OMA1: variants seen among roughly 807,000 people sequenced by gnomAD.
The protein encoded by OMA1 is metalloendopeptidase OMA1, mitochondrial.
Under a neutral mutation model 30.9 loss-of-function variants are expected in OMA1, and 38 were observed. The observed-to-expected ratio is 1.23, with a 90% CI of 0.95 to 1.61. The LOEUF (loss-of-function observed/expected upper bound fraction) is 1.61. Ranked by LOEUF, OMA1 falls within the 40% of genes most tolerant of loss-of-function variation. The pLI, the probability that OMA1 is intolerant of heterozygous loss-of-function variation, is 0.00. For synonymous variants in OMA1, 173 were observed against 121.9 expected, an observed-to-expected ratio of 1.42 and a Z score of -2.76; for missense variants, 461 against 349.2, an observed-to-expected ratio of 1.32 and a Z score of -2.55.
chr1:58,544,325 C>A (rs75462238), intron 1 of OMA1, among the ~76,000 whole-genome samples: 3,548 of 152,130 alleles, frequency 0.023, 56 homozygotes, highest in Middle Eastern at 0.037. Context: ...ATAATGGATG[C>A]TAGAGATACT....
chr1:58,498,311 C>T (rs1485648143), intron 8 of OMA1, among the ~76,000 whole-genome samples: 4 of 151,662 alleles, frequency 2.6e-5, no homozygotes, highest in African/African-American at 9.7e-5. Flanking sequence ...TATAACTTCA[C>T]CCTTGATTTT....
chr1:58,545,201 A>G (rs1375860051), intron 1 of OMA1, among the ~76,000 whole-genome samples: 1 of 152,196 alleles, frequency 6.6e-6, no homozygotes, highest in African/African-American at 2.4e-5. Flanking sequence ...CTCTATGTCT[A>G]TGCACATCTA....
chr1:58,491,971 A>G (rs1645701964), intron 8 of OMA1, among the ~76,000 whole-genome samples: 1 of 152,224 alleles, frequency 6.6e-6, no homozygotes, highest in African/African-American at 2.4e-5. Flanking sequence ...CATTCTTTTC[A>G]GCACCACACC....
intron 6 of OMA1, among the ~76,000 whole-genome samples, chr1:58,528,311 A>G (rs1363225184): frequency 6.6e-6 from 1 of 152,228 alleles, no homozygotes; most frequent in Non-Finnish European, 1.5e-5. Flanking sequence ...GTTAACCCTG[A>G]GCTAATTGTT....
Position 58,483,473 on chromosome 1 carries a change from C to A in OMA1, c.1366-2299G>T, listed in dbSNP as rs557752495. ...TAGCTCTGATTAGGCTCTGAGTTAC[C>A]AAGGTAAGCTGGAGAGTTGAAAAAA... On this transcript the variant is annotated intron_variant, in intron 8 of 8. Transcript: ENST00000371226. Among the ~76,000 whole-genome samples, 5 of 152,222 alleles carry A rather than the reference C, an allele frequency of 3.3e-5. No individual in the cohort carries two copies. The East Asian group carries it at 9.6e-4, about 29-fold the overall frequency.
chr1:58,545,242 C>T (rs1358739358), intron 1 of OMA1, among the ~76,000 whole-genome samples: 4 of 152,194 alleles, frequency 2.6e-5, no homozygotes, highest in African/African-American at 9.7e-5. Flanking sequence ...ACATGACAAG[C>T]AAACTCCTTC....
intron 7 of OMA1, among the ~76,000 whole-genome samples, chr1:58,509,663 T>C (rs1489985080): frequency 7.2e-6 from 1 of 138,166 alleles, no homozygotes; most frequent in Non-Finnish European, 1.6e-5. Flanking sequence ...GATTAGAGCA[T>C]AAATAAAGAA....
chr1:58,497,017 G>A (rs1645813653), intron 8 of OMA1, among the ~76,000 whole-genome samples: 1 of 152,146 alleles, frequency 6.6e-6, no homozygotes, highest in Non-Finnish European at 1.5e-5. Context: ...ACCAGATGTG[G>A]GGCAGCCAGG....
At chr1:58,518,272 G>GGGGAGAGGA (rs1557450173) in intron 7 of OMA1, among the ~76,000 whole-genome samples, 15 of 650 alleles carry the variant, frequency 0.023, 2 homozygotes, top group Non-Finnish European at 0.07. Flanking sequence ...AGAGGAGAGA[G>GGGGAGAGGA]GAGAGGAGAA....
At chr1:58,520,504 GC>G (rs1432853753) in intron 7 of OMA1, among the ~76,000 whole-genome samples, 1 of 152,052 alleles carries the variant, frequency 6.6e-6, no homozygotes, top group Non-Finnish European at 1.5e-5. Flanking sequence ...AATAAGAAAT[GC>G]AAATTAAACA....
rs923708820 is a variant in OMA1 at position 58,480,836 on chromosome 1, C to A, written c.*129G>T. ...AATTCTAGAAGAATTTAGATAATAT[C>A]TGTAATGTACATGATTTGACCCTGA... On this transcript the variant is annotated 3_prime_UTR_variant, in exon 9 of 9. Coordinates refer to ENST00000371226, the MANE Select transcript of OMA1 (RefSeq NM_145243.5). 32 of 585,228 alleles carry A rather than the reference C, an allele frequency of 5.5e-5. No homozygotes were observed. In the African/African-American group the frequency reaches 6.0e-4, roughly 11 times the overall value. The allele number at this position is 585,228 out of a possible 1,614,324, so 36.3% of individuals were successfully genotyped here. A position where few individuals can be genotyped will look rare whatever the true frequency, so the allele number is the denominator to read the frequency against.
chr1:58,516,482 T>C (rs1380316736), intron 7 of OMA1, among the ~76,000 whole-genome samples: 1 of 152,242 alleles, frequency 6.6e-6, no homozygotes, highest in Non-Finnish European at 1.5e-5. Flanking sequence ...TACATGTTGG[T>C]CTTACCAGTG....
chr1:58,533,056 G>T (rs921863937), intron 5 of OMA1, among the ~76,000 whole-genome samples: 1 of 151,966 alleles, frequency 6.6e-6, no homozygotes, highest in African/African-American at 2.4e-5. Flanking sequence ...GTACCTTTGC[G>T]TTTACAATTT....
chr1:58,544,922 G>C (rs1459978449), intron 1 of OMA1, among the ~76,000 whole-genome samples: 2 of 152,030 alleles, frequency 1.3e-5, no homozygotes, highest in East Asian at 3.9e-4. Context: ...ATTTTTTTCT[G>C]TAGACACGGT....
chr1:58,538,844 A>G lies in OMA1; in HGVS notation c.451T>C (p.Leu151=), dbSNP rs553234238. The stretch of plus-strand genomic sequence containing the variant: ...TTCTGTACTGGTTTAAGAATCATCA[A>G]CAAGAGAGGAACCGGAGCAGCTTGA... ...RFQAAPVPLL[L]MILKPVQKLF... is the part of the protein sequence containing the mutation. Residue 151 remains leucine (L), a synonymous_variant, in exon 2 of 9, where the codon TTG becomes CTG. Transcript: ENST00000371226. 4.0e-5 allele frequency: 35 copies of G among 868,362 alleles called. 1 individual carries two copies. The African/African-American group carries it at 4.7e-4, about 12-fold the overall frequency. The allele number at this position is 868,362 out of a possible 1,614,324, so 53.8% of individuals were successfully genotyped here.
chr1:58,514,500 T>G (rs1646129529), intron 7 of OMA1, among the ~76,000 whole-genome samples: 1 of 152,204 alleles, frequency 6.6e-6, no homozygotes, highest in Non-Finnish European at 1.5e-5. Context: ...AAAGCTCCTG[T>G]TAGCCATCAC....
At chr1:58,510,735 C>CA (rs892401056) in intron 7 of OMA1, among the ~76,000 whole-genome samples, 56 of 150,094 alleles carry the variant, frequency 3.7e-4, no homozygotes, top group African/African-American at 1.1e-3. Flanking sequence ...TCCACACACA[C>CA]AAAAAAAAAC....
chr1:58,536,082 T>C (rs1646511905), intron 3 of OMA1, among the ~76,000 whole-genome samples: 1 of 152,086 alleles, frequency 6.6e-6, no homozygotes, highest in Admixed American at 6.5e-5. Flanking sequence ...GTTACTCTCA[T>C]GAGTGCTTTG....
chr1:58,494,055 G>A (rs1416178653), intron 8 of OMA1, among the ~76,000 whole-genome samples: 1 of 152,034 alleles, frequency 6.6e-6, no homozygotes, highest in Non-Finnish European at 1.5e-5. Context: ...GCATGGTACT[G>A]GTACCAAAAC....
Sources: gnomAD v4.1 joint callset for allele counts (sites outside exome capture counted in the v4.1 genomes callset) on GRCh38, gnomAD v4.1.1 for gene constraint, MANE v1.5 for transcripts, NCBI Gene and HGNC (gene_info 2026-07-23, HGNC 2026-07-21) for gene names.